The following PDE3A variants were observed in gnomAD, a reference collection of about 807,000 sequenced individuals.
PDE3A encodes cGMP-inhibited 3',5'-cyclic phosphodiesterase 3A.
PDE3A carries 43 observed loss-of-function variants against 98.3 expected under a neutral mutation model. That is an observed-to-expected ratio of 0.44 (90% CI 0.34 to 0.56). The LOEUF (loss-of-function observed/expected upper bound fraction) is 0.56, where lower values mean the gene tolerates loss of function less well. Ranked by LOEUF, PDE3A falls within the 20% of genes least tolerant of loss-of-function variation. PDE3A has a pLI of 0.01. For synonymous variants in PDE3A, 663 were observed against 567.9 expected, an observed-to-expected ratio of 1.17 and a Z score of -2.38; for missense variants, 1,427 against 1,440.7, an observed-to-expected ratio of 0.99 and a Z score of 0.15.
At chr12:20,640,107 C>G (rs1944611793) in intron 10 of PDE3A, 150 bp downstream of exon 10, 1 of 516,450 alleles carries the variant, frequency 1.9e-6, no homozygotes, top group East Asian at 3.2e-5. Flanking sequence ...GGAAATATCG[C>G]CTGTGTGTTA....
At chr12:20,563,628 T>C (rs1942585219) in intron 2 of PDE3A, among the ~76,000 whole-genome samples, 1 of 152,194 alleles carries the variant, frequency 6.6e-6, no homozygotes, top group South Asian at 2.1e-4. Flanking sequence ...TTGTTTAACT[T>C]TTGGCAACTC....
At position 20,663,354 on chromosome 12, in the gene PDE3A, C is replaced by G. The variant is rs549473060; in HGVS notation, c.3184+9149C>G. 3.3e-5 allele frequency among the ~76,000 whole-genome samples: 5 copies of G among 152,322 alleles called. No individual in the cohort carries two copies. The East Asian group carries it at 9.7e-4, about 29-fold the overall frequency. On this transcript the variant is annotated intron_variant, in intron 15 of 15. Transcript: ENST00000359062. ...GAGCTGTAAGAAGAGGGCCATTGTC[C>G]TCCAGACCCCGGAATGGTAGATCCA... is the stretch of plus-strand genomic sequence containing the variant.
rs1015276714 is a variant in PDE3A, at chr12:20,650,627, T to G, written c.2925+27T>G. ...TAACTGACCACTGTTTAATACAGCT[T>G]AATCTGTACTTACAGGTTGCTCATG... is the stretch of plus-strand genomic sequence containing the variant. On this transcript the variant is annotated intron_variant, in intron 14 of 15. Transcript: ENST00000359062. 4.1e-6 allele frequency: 6 copies of G among 1,478,666 alleles called. No homozygotes were observed. In the East Asian group the frequency reaches 1.1e-4, roughly 28 times the overall value. The allele number at this position is 1,478,666 out of a possible 1,614,324, so 91.6% of individuals were successfully genotyped here. A position where few individuals can be genotyped will look rare whatever the true frequency, so the allele number is the denominator to read the frequency against.
chr12:20,663,396 T>G (rs1945229839), intron 15 of PDE3A, among the ~76,000 whole-genome samples: 1 of 152,094 alleles, frequency 6.6e-6, no homozygotes, highest in South Asian at 2.1e-4. Context: ...GCTTGCACTG[T>G]GCACCTGGAA....
chr12:20,559,807 C>T (rs533350225), intron 2 of PDE3A, among the ~76,000 whole-genome samples: 2 of 152,004 alleles, frequency 1.3e-5, no homozygotes, highest in Non-Finnish European at 2.9e-5. Context: ...GGTAAGCTTT[C>T]GAAAGTACAG....
chr12:20,370,100 G>A lies in PDE3A; in HGVS notation c.816G>A (p.Gly272=). Residue 272 remains glycine (G), a synonymous_variant, in exon 1 of 16, where the codon GGG becomes GGA. Coordinates refer to ENST00000359062, the MANE Select transcript of PDE3A (RefSeq NM_000921.5). ...SAEAAPREHL[G]SQLIAGTKED... ...AGGCGGCTCCAAGGGAGCATTTGGGGTCCCAGCTGATTGCTGGGACCAAGG... is the reference window on the plus strand; with the variant it reads ...AGGCGGCTCCAAGGGAGCATTTGGGATCCCAGCTGATTGCTGGGACCAAGG... The A allele has an allele frequency of 1.2e-6, 2 of 1,613,266 alleles. No homozygotes were observed. Among genetic ancestry groups the A allele is most frequent in the East Asian group, 2.2e-5 (1 of 44,828 alleles).
chr12:20,568,003 T>C (rs1225321174), intron 2 of PDE3A, among the ~76,000 whole-genome samples: 1 of 152,008 alleles, frequency 6.6e-6, no homozygotes, highest in African/African-American at 2.4e-5. Context: ...TGTTCGTTTT[T>C]CTTATTACAA....
At chr12:20,530,146 ATTTC>A (rs1946597861) in intron 1 of PDE3A, among the ~76,000 whole-genome samples, 6 of 152,290 alleles carry the variant, frequency 3.9e-5, no homozygotes, top group Admixed American at 3.9e-4. Context: ...TTATTCGATC[ATTTC>A]TTTCACTTCC....
At chr12:20,484,465 A>G (rs1257285056) in intron 1 of PDE3A, among the ~76,000 whole-genome samples, 1 of 152,200 alleles carries the variant, frequency 6.6e-6, no homozygotes, top group Non-Finnish European at 1.5e-5. Flanking sequence ...GGGTAAGGGA[A>G]AATGTGATTT....
At chr12:20,409,685 A>G (rs10841512) in intron 1 of PDE3A, among the ~76,000 whole-genome samples, 95,960 of 151,954 alleles carry the variant, frequency 0.63, 31,647 homozygotes, top group East Asian at 0.89. Flanking sequence ...TCTTTCTGTT[A>G]CAAATGTTTA....
At chr12:20,424,017 G>A (rs77540872) in intron 1 of PDE3A, among the ~76,000 whole-genome samples, 3,808 of 152,234 alleles carry the variant, frequency 0.025, 67 homozygotes, top group Non-Finnish European at 0.04. Flanking sequence ...AGCAGTGTTC[G>A]GTGAAGTGGA....
At chr12:20,666,601 G>A (rs529130260) in intron 15 of PDE3A, among the ~76,000 whole-genome samples, 1 of 152,198 alleles carries the variant, frequency 6.6e-6, no homozygotes, top group Admixed American at 6.5e-5. Context: ...TGCTGCAAAT[G>A]TCATAATTTT....
chr12:20,470,467 C>T (rs1396916416), intron 1 of PDE3A, among the ~76,000 whole-genome samples: 2 of 151,936 alleles, frequency 1.3e-5, no homozygotes, highest in Non-Finnish European at 2.9e-5. Context: ...GAGGTTTGAA[C>T]CTAGAACCAC....
At chr12:20,389,120 T>C (rs568865465) in intron 1 of PDE3A, among the ~76,000 whole-genome samples, 4 of 152,114 alleles carry the variant, frequency 2.6e-5, no homozygotes, top group African/African-American at 9.6e-5. Flanking sequence ...CACCCAGTTT[T>C]TACGGTTCTG....
intron 1 of PDE3A, among the ~76,000 whole-genome samples, chr12:20,465,105 A>C (rs747328038): frequency 6.6e-6 from 1 of 152,300 alleles, no homozygotes; most frequent in Admixed American, 6.5e-5. Flanking sequence ...ATTTAGTTAC[A>C]TATAGTTCAT....
chr12:20,370,029 AT>A lies in PDE3A; in HGVS notation c.746del (p.Ile249ThrfsTer27), dbSNP rs748695117. The A allele has an allele frequency of 2.5e-6, 4 of 1,612,876 alleles. No individual in the cohort carries two copies. Among genetic ancestry groups the A allele is most frequent in the Non-Finnish European group, 3.4e-6 (4 of 1,179,880 alleles). ...GGCGTACCTGGCCGGCGTGCTGGGG[AT>A]CCTCTTGGCCAGGTACGTGGAACAA... ...YLAYLAGVLG[I>X]LLARYVEQIL... On this transcript the variant is annotated frameshift_variant, in exon 1 of 16. Transcript: ENST00000359062. LOFTEE classifies it high-confidence loss of function.
chr12:20,420,899 C>T (rs186657276), intron 1 of PDE3A, among the ~76,000 whole-genome samples: 8 of 152,060 alleles, frequency 5.3e-5, no homozygotes, highest in Admixed American at 2.6e-4. Flanking sequence ...GGTAGGCCAT[C>T]GAACTGTACT....
chr12:20,593,322 C>T (rs375912744), intron 2 of PDE3A, among the ~76,000 whole-genome samples: 8 of 152,030 alleles, frequency 5.3e-5, no homozygotes, highest in Non-Finnish European at 8.8e-5. Flanking sequence ...TGGAAAAGGG[C>T]GGCGGGTTAA....
chr12:20,456,377 G>A (rs945639434), intron 1 of PDE3A, among the ~76,000 whole-genome samples: 13 of 152,104 alleles, frequency 8.5e-5, no homozygotes, highest in Admixed American at 8.5e-4. Context: ...AACAAATCTG[G>A]GGAGAATTTA....
Sources: allele counts gnomAD v4.1 joint callset (sites outside exome capture counted in the v4.1 genomes callset), GRCh38; gene constraint gnomAD v4.1.1; transcripts MANE v1.5; gene names NCBI Gene and HGNC (gene_info 2026-07-23, HGNC 2026-07-21).